Variants in CMC1 observed in about 807,000 individuals in gnomAD.
CMC1 encodes C-X9-C motif containing 1.
Under a neutral mutation model 14.1 loss-of-function variants are expected in CMC1, and 14 were observed. The ratio of observed to expected loss-of-function variants is 0.99; its 90% CI spans 0.66 to 1.55. CMC1 has a LOEUF of 1.55. Among genes scored for constraint, CMC1 ranks in the 40% most tolerant of loss-of-function variants. CMC1 has a pLI of 0.00. For synonymous variants in CMC1, 50 were observed against 38.4 expected (o/e 1.30, Z -1.12); for missense variants, 127 against 123.8 (o/e 1.03, Z -0.12).
intron 1 of CMC1, among the ~76,000 whole-genome samples, chr3:28,259,374 C>T (rs193256635): frequency 6.6e-6 from 1 of 152,020 alleles, no homozygotes; most frequent in African/African-American, 2.4e-5. Context: ...AACATATATG[C>T]TATATCTGTG....
intron 2 of CMC1, among the ~76,000 whole-genome samples, chr3:28,287,727 AT>A (rs1009325007): frequency 6.6e-5 from 10 of 151,214 alleles, no homozygotes; most frequent in African/African-American, 2.4e-4. Context: ...GAGCTTTTCT[AT>A]TTTTTTCCTG....
intron 2 of CMC1, chr3:28,298,232 C>G (rs995399656): frequency 6.6e-6 from 1 of 151,326 alleles, no homozygotes; most frequent in Non-Finnish European, 1.5e-5. Context: ...ACTCATATGG[C>G]TCATTGGATA....
intron 2 of CMC1, among the ~76,000 whole-genome samples, chr3:28,270,631 C>T (rs547644300): frequency 1.1e-3 from 163 of 151,872 alleles, no homozygotes; most frequent in Non-Finnish European, 1.9e-3. Flanking sequence ...TGTTAAGTTC[C>T]TTGTAAATTC....
At chr3:28,319,332 T>C (rs776669586) in intron 3 of CMC1, 177 bp from the exon 4 acceptor site, 14 of 661,870 alleles carry the variant, frequency 2.1e-5, no homozygotes, top group Non-Finnish European at 5.6e-6. Flanking sequence ...AAATGAATGA[T>C]TTGGTCTTTA....
intron 2 of CMC1, chr3:28,293,069 C>T (rs1701559371): frequency 6.6e-6 from 1 of 152,106 alleles, no homozygotes; most frequent in Non-Finnish European, 1.5e-5. Context: ...GCTAAACATA[C>T]CTTTAATGAT....
At chr3:28,285,901 G>T (rs2125534330) in intron 2 of CMC1, among the ~76,000 whole-genome samples, 1 of 151,900 alleles carries the variant, frequency 6.6e-6, no homozygotes, top group South Asian at 2.1e-4. Context: ...CGAGTAGCTG[G>T]GACTACGCGC....
intron 2 of CMC1, among the ~76,000 whole-genome samples, chr3:28,273,744 T>C (rs1700418597): frequency 6.6e-6 from 1 of 152,178 alleles, no homozygotes; most frequent in South Asian, 2.1e-4. Flanking sequence ...TAAGTCTCTT[T>C]GTAGGTTTCT....
At chr3:28,298,552 T>G (rs1701867562) in intron 2 of CMC1, among the ~76,000 whole-genome samples, 1 of 151,134 alleles carries the variant, frequency 6.6e-6, no homozygotes. Flanking sequence ...TCTAATAAAG[T>G]GTACATTTAT....
Position 28,316,331 on chromosome 3 carries a change from A to C in CMC1, c.110-2A>C, listed in dbSNP as rs891212704. 8.5e-6 allele frequency: 13 copies of C among 1,529,066 alleles called. No homozygotes were observed. The highest frequency in any genetic ancestry group is 2.3e-5 in the East Asian group (1 of 43,142). 94.7% of individuals were successfully genotyped at this position (1,529,066 alleles called of 1,614,324 possible). A position where few individuals can be genotyped will look rare whatever the true frequency, so the allele number is the denominator to read the frequency against. The stretch of plus-strand genomic sequence containing the variant: ...AATTTTTTCCTTCCAAATTTATTTC[A>C]GATTTTACCAAATGTTGCAAGAACT... On this transcript the variant is annotated splice_acceptor_variant, in intron 2 of 3. Transcript: ENST00000466830. LOFTEE classifies it high-confidence loss of function.
chr3:28,295,579 CT>C (rs1701695932), intron 2 of CMC1, among the ~76,000 whole-genome samples: 1 of 152,106 alleles, frequency 6.6e-6, no homozygotes, highest in African/African-American at 2.4e-5. Flanking sequence ...ACTTCTCTCT[CT>C]TTTTCTGTAA....
chr3:28,320,382 A>C lies in CMC1; in HGVS notation c.*753A>C, dbSNP rs1703147178. The C allele has an allele frequency of 6.6e-6, 1 of 151,530 alleles. No homozygotes were observed. Among genetic ancestry groups the C allele is most frequent in the African/African-American group, 2.4e-5 (1 of 41,356 alleles). 9.4% of individuals were successfully genotyped at this position (151,530 alleles called of 1,614,324 possible). On this transcript the variant is annotated 3_prime_UTR_variant, in exon 4 of 4. Transcript: ENST00000466830. ...CATCAAAACATAATAGGGTGTAAAA[A>C]ATAGAAGGACAAACAAGTGTGGGCA...
intron 2 of CMC1, among the ~76,000 whole-genome samples, chr3:28,266,270 T>C (rs921740179): frequency 6.6e-6 from 1 of 152,192 alleles, no homozygotes; most frequent in African/African-American, 2.4e-5. Flanking sequence ...TATACCCTTA[T>C]ACTTCTAAAA....
At chr3:28,263,405 G>T (rs751730235) in intron 2 of CMC1, 25 bp downstream of exon 2, 7 of 1,419,446 alleles carry the variant, frequency 4.9e-6, no homozygotes, top group African/African-American at 4.3e-5. Flanking sequence ...TTCATGTAAA[G>T]ATCAAATTTA....
chr3:28,273,272 A>G (rs776373184), intron 2 of CMC1, among the ~76,000 whole-genome samples: 1 of 152,156 alleles, frequency 6.6e-6, no homozygotes, highest in Non-Finnish European at 1.5e-5. Context: ...GCTGCATCCC[A>G]GAGGTTCTGG....
chr3:28,283,192 C>T (rs1700984188), intron 2 of CMC1, among the ~76,000 whole-genome samples: 2 of 151,906 alleles, frequency 1.3e-5, no homozygotes, highest in African/African-American at 4.8e-5. Flanking sequence ...TAGGTCAAAC[C>T]ATGGGTAAAT....
chr3:28,271,982 G>A (rs67023418), intron 2 of CMC1, among the ~76,000 whole-genome samples: 27,920 of 151,948 alleles, frequency 0.18, 3,115 homozygotes, highest in Middle Eastern at 0.27. Flanking sequence ...TCTCTTTGTA[G>A]CAATTATGAA....
intron 2 of CMC1, among the ~76,000 whole-genome samples, chr3:28,283,618 A>G (rs1034311843): frequency 8.6e-5 from 13 of 151,400 alleles, no homozygotes; most frequent in Non-Finnish European, 1.3e-4. Flanking sequence ...TCTTGCTTTT[A>G]TAGTTGTCTT....
chr3:28,293,424 G>T (rs1701583899), intron 2 of CMC1, among the ~76,000 whole-genome samples: 1 of 151,962 alleles, frequency 6.6e-6, no homozygotes. Context: ...ATGATGCCAG[G>T]AGTTTGATTT....
chr3:28,253,189 G>T (rs1699219358), intron 1 of CMC1, among the ~76,000 whole-genome samples: 1 of 152,172 alleles, frequency 6.6e-6, no homozygotes, highest in Non-Finnish European at 1.5e-5. Flanking sequence ...GAAGCACTTA[G>T]TGAGAACTAA....
Sources: allele counts gnomAD v4.1 joint callset (sites outside exome capture counted in the v4.1 genomes callset), GRCh38; gene constraint gnomAD v4.1.1; transcripts MANE v1.5; gene names NCBI Gene and HGNC (gene_info 2026-07-23, HGNC 2026-07-21).